The following NEGR1 variants were observed in gnomAD, a reference collection of about 807,000 sequenced individuals.
The protein encoded by NEGR1 is IgLON family member 4.
Under a neutral mutation model 40.9 loss-of-function variants are expected in NEGR1, and 10 were observed. The observed-to-expected ratio is 0.24, with a 90% CI of 0.15 to 0.42. The LOEUF (loss-of-function observed/expected upper bound fraction) is 0.42, where lower values mean the gene tolerates loss of function less well. Ranked by LOEUF, NEGR1 falls within the 10% of genes least tolerant of loss-of-function variation. The pLI, the probability that NEGR1 is intolerant of heterozygous loss-of-function variation, is 1.00. For synonymous variants in NEGR1, 185 were observed against 166.8 expected (o/e 1.11, Z -0.84); for missense variants, 352 against 438.9 (o/e 0.80, Z 1.77).
chr1:72,168,764 G>C (rs1451196577), intron 1 of NEGR1, among the ~76,000 whole-genome samples: 1 of 152,112 alleles, frequency 6.6e-6, no homozygotes, highest in African/African-American at 2.4e-5. Context: ...GCCAGGTGTG[G>C]TGGCTTGCGC....
At chr1:72,153,891 C>A (rs542708573) in intron 1 of NEGR1, among the ~76,000 whole-genome samples, 2 of 151,156 alleles carry the variant, frequency 1.3e-5, no homozygotes, top group Non-Finnish European at 3.0e-5. Flanking sequence ...GTATGAAATT[C>A]TTATAATTTA....
intron 1 of NEGR1, among the ~76,000 whole-genome samples, chr1:71,961,441 G>T (rs887506935): frequency 6.6e-6 from 1 of 152,118 alleles, no homozygotes; most frequent in Admixed American, 6.6e-5. Context: ...AGTCAGGTGA[G>T]AAGTAATTTT....
chr1:71,671,957 C>T (rs1265075129), intron 4 of NEGR1, among the ~76,000 whole-genome samples: 9 of 144,702 alleles, frequency 6.2e-5, no homozygotes, highest in Admixed American at 5.7e-4. Flanking sequence ...TGGTCTCAAA[C>T]TCCTGTCCTC....
intron 3 of NEGR1, among the ~76,000 whole-genome samples, chr1:71,757,243 G>C (rs1027221679): frequency 2.6e-5 from 4 of 152,152 alleles, no homozygotes; most frequent in African/African-American, 9.6e-5. Flanking sequence ...TTCCCTTTGA[G>C]ACATTTTATA....
At chr1:71,802,814 C>T (rs527475908) in intron 2 of NEGR1, among the ~76,000 whole-genome samples, 1 of 152,280 alleles carries the variant, frequency 6.6e-6, no homozygotes, top group Admixed American at 6.5e-5. Context: ...AATTTTAACA[C>T]ACATAACAAG....
intron 4 of NEGR1, among the ~76,000 whole-genome samples, chr1:71,663,339 GTTA>G (rs1030160297): frequency 5.3e-4 from 80 of 152,020 alleles, no homozygotes; most frequent in African/African-American, 1.9e-3. Flanking sequence ...TTCTTATCAT[GTTA>G]TTATTTTATA....
intron 1 of NEGR1, among the ~76,000 whole-genome samples, chr1:72,106,299 T>C (rs1045821192): frequency 1.3e-5 from 2 of 152,028 alleles, no homozygotes; most frequent in African/African-American, 4.8e-5. Flanking sequence ...CCTCTTACAC[T>C]ATGGCACAGG....
At chr1:71,898,966 TATATATATATATAGC>T (rs1208281382) in intron 2 of NEGR1, among the ~76,000 whole-genome samples, 1,505 of 52,918 alleles carry the variant, frequency 0.028, 89 homozygotes, top group East Asian at 0.12. Context: ...ATATATAGCA[TATATATATATATAGC>T]ATATATATAT....
intron 2 of NEGR1, among the ~76,000 whole-genome samples, chr1:71,909,431 G>T (rs1661365138): frequency 6.6e-6 from 1 of 152,198 alleles, no homozygotes; most frequent in Non-Finnish European, 1.5e-5. Context: ...GGTGTTCGTT[G>T]AATGTGATTG....
At chr1:71,994,206 G>A (rs565485613) in intron 1 of NEGR1, among the ~76,000 whole-genome samples, 1 of 152,192 alleles carries the variant, frequency 6.6e-6, no homozygotes, top group Non-Finnish European at 1.5e-5. Context: ...GAGCCTAAAG[G>A]TGATAAGACA....
intron 1 of NEGR1, among the ~76,000 whole-genome samples, chr1:72,280,591 A>G (rs1656208575): frequency 6.6e-6 from 1 of 152,202 alleles, no homozygotes; most frequent in African/African-American, 2.4e-5. Flanking sequence ...CCAACAATGA[A>G]AAGTTTTTTT....
intron 6 of NEGR1, among the ~76,000 whole-genome samples, chr1:71,577,682 G>T (rs1649008037): frequency 6.6e-6 from 1 of 152,092 alleles, no homozygotes; most frequent in Admixed American, 6.5e-5. Flanking sequence ...CCAATTTCTA[G>T]TCTGAAAGCG....
chr1:71,669,649 T>A (rs1570176094), intron 4 of NEGR1, among the ~76,000 whole-genome samples: 1 of 151,212 alleles, frequency 6.6e-6, no homozygotes, highest in African/African-American at 2.4e-5. Context: ...TATATTTTAA[T>A]GCTACGTAAC....
At chr1:71,434,526 T>C (rs1233603849) in intron 6 of NEGR1, among the ~76,000 whole-genome samples, 1 of 152,168 alleles carries the variant, frequency 6.6e-6, no homozygotes, top group African/African-American at 2.4e-5. Context: ...CAATAAATTG[T>C]GTATTGCAGT....
chr1:72,220,118 A>G (rs1653961626), intron 1 of NEGR1, among the ~76,000 whole-genome samples: 1 of 152,062 alleles, frequency 6.6e-6, no homozygotes, highest in African/African-American at 2.4e-5. Context: ...AACTCACATT[A>G]TTTTAAAACA....
Position 72,175,837 on chromosome 1 carries a change from A to G in NEGR1, c.176+106482T>C, listed in dbSNP as rs575546572. ...GGTTTCTTATGTTTTTAAAACTGGC[A>G]TATTCCACAAACTCCACAGCTTAAA... is the stretch of plus-strand genomic sequence containing the variant. On this transcript the variant is annotated intron_variant, in intron 1 of 6. Transcript: ENST00000357731. Among the ~76,000 whole-genome samples, 203 of 152,236 alleles carry G rather than the reference A, an allele frequency of 1.3e-3. 1 individual carries two copies. The highest frequency in any genetic ancestry group is 2.1e-3 in the Non-Finnish European group (146 of 67,978).
intron 6 of NEGR1, among the ~76,000 whole-genome samples, chr1:71,475,238 A>C (rs1646811982): frequency 6.6e-6 from 1 of 152,092 alleles, no homozygotes; most frequent in Admixed American, 6.6e-5. Context: ...TAATTGAATA[A>C]TATGCTTTTT....
intron 1 of NEGR1, among the ~76,000 whole-genome samples, chr1:71,989,544 G>A (rs892316902): frequency 2.4e-4 from 37 of 151,852 alleles, no homozygotes; most frequent in Admixed American, 2.1e-3. Context: ...AACTGCAAAT[G>A]TCATTAATAA....
chr1:71,985,705 G>T (rs1049894519), intron 1 of NEGR1, among the ~76,000 whole-genome samples: 2 of 152,190 alleles, frequency 1.3e-5, no homozygotes, highest in African/African-American at 4.8e-5. Context: ...TAACCATAGA[G>T]TAATGCACAG....
Sources: allele counts gnomAD v4.1 joint callset (sites outside exome capture counted in the v4.1 genomes callset), GRCh38; gene constraint gnomAD v4.1.1; transcripts MANE v1.5; gene names NCBI Gene and HGNC (gene_info 2026-07-23, HGNC 2026-07-21).